The following MCC variants were observed in gnomAD, a reference collection of about 807,000 sequenced individuals.
MCC encodes colorectal mutant cancer protein.
MCC carries 90 observed loss-of-function variants against 116.2 expected under a neutral mutation model. That is an observed-to-expected ratio of 0.77 (90% CI 0.65 to 0.92). The LOEUF is 0.92. Ranked by LOEUF, MCC falls within the 40% of genes least tolerant of loss-of-function variation. The probability of loss-of-function intolerance (pLI) is 0.00; values close to 1 mark genes in which losing one functional copy is unlikely to be tolerated. For synonymous variants in MCC, 578 were observed against 510.5 expected (o/e 1.13, Z -1.78); for missense variants, 1,516 against 1,312.2 (o/e 1.16, Z -2.40).
intron 16 of MCC, chr5:113,044,392 G>A: frequency 1.6e-6 from 1 of 632,252 alleles, no homozygotes; most frequent in Non-Finnish European, 2.0e-6. Context: ...ATTCAAAGCA[G>A]TGACCATGCC....
chr5:113,156,552 T>C (rs1760182639), intron 3 of MCC, among the ~76,000 whole-genome samples: 1 of 152,228 alleles, frequency 6.6e-6, no homozygotes, highest in African/African-American at 2.4e-5. Flanking sequence ...AGCCAATAGC[T>C]GCGTTGCCAG....
intron 2 of MCC, among the ~76,000 whole-genome samples, chr5:113,353,416 T>C (rs1768331371): frequency 6.6e-6 from 1 of 152,192 alleles, no homozygotes; most frequent in Admixed American, 6.5e-5. Flanking sequence ...ATCACTGTCA[T>C]TTTATGTCAT....
chr5:113,073,366 T>A (rs1754179699), intron 11 of MCC, among the ~76,000 whole-genome samples: 1 of 152,234 alleles, frequency 6.6e-6, no homozygotes, highest in Non-Finnish European at 1.5e-5. Flanking sequence ...CTTCCACTCT[T>A]ATCCCATCCT....
intron 3 of MCC, among the ~76,000 whole-genome samples, chr5:113,153,920 C>G (rs368034838): frequency 6.6e-6 from 1 of 152,238 alleles, no homozygotes; most frequent in East Asian, 1.9e-4. Flanking sequence ...AGCTGAGCAC[C>G]AGGGCCAAGG....
intron 3 of MCC, among the ~76,000 whole-genome samples, chr5:113,222,283 T>G (rs1304367734): frequency 1.3e-5 from 2 of 152,230 alleles, no homozygotes; most frequent in Admixed American, 1.3e-4. Flanking sequence ...TGTCATGATG[T>G]ATTATCATTT....
chr5:113,433,979 C>G (rs775591445), intron 1 of MCC: 2 of 1,613,912 alleles, frequency 1.2e-6, no homozygotes, highest in East Asian at 2.2e-5. Context: ...AACTCTCCCC[C>G]TCCTTGTTGA....
intron 3 of MCC, among the ~76,000 whole-genome samples, chr5:113,170,321 T>C (rs556931620): frequency 2.0e-5 from 3 of 152,336 alleles, no homozygotes; most frequent in East Asian, 3.9e-4. Flanking sequence ...TTCTAATCCA[T>C]GGCAGAATCA....
intron 3 of MCC, among the ~76,000 whole-genome samples, chr5:113,190,826 A>C (rs1417664106): frequency 1.3e-5 from 2 of 152,190 alleles, no homozygotes; most frequent in African/African-American, 4.8e-5. Flanking sequence ...GATTGTCTAA[A>C]TCTAAGAGGC....
intron 3 of MCC, among the ~76,000 whole-genome samples, chr5:113,336,422 G>A (rs1204293618): frequency 6.6e-6 from 1 of 151,642 alleles, no homozygotes; most frequent in Non-Finnish European, 1.5e-5. Context: ...GTGTGCAGGA[G>A]ACACACTGCA....
chr5:113,306,898 GA>G (rs910186460), intron 3 of MCC, among the ~76,000 whole-genome samples: 39 of 148,942 alleles, frequency 2.6e-4, no homozygotes, highest in African/African-American at 8.4e-4. Flanking sequence ...ACTTATTATT[GA>G]AAAAAAAAGT....
chr5:113,398,419 A>G (rs961561058), intron 1 of MCC, among the ~76,000 whole-genome samples: 8 of 152,216 alleles, frequency 5.3e-5, no homozygotes, highest in Non-Finnish European at 1.2e-4. Flanking sequence ...TAGCAAAGAC[A>G]TGGAATCAAC....
intron 11 of MCC, among the ~76,000 whole-genome samples, chr5:113,080,641 C>T (rs139559644): frequency 0.021 from 3,223 of 152,048 alleles, 93 homozygotes; most frequent in African/African-American, 0.066. Flanking sequence ...CATCACACAC[C>T]GGGGCCTGTC....
At chr5:113,178,099 G>A (rs1207335565) in intron 3 of MCC, among the ~76,000 whole-genome samples, 1 of 152,198 alleles carries the variant, frequency 6.6e-6, no homozygotes, top group East Asian at 1.9e-4. Flanking sequence ...ACACATGCAG[G>A]AAAGTGGGGT....
At chr5:113,199,470 G>A (rs1273709551) in intron 3 of MCC, among the ~76,000 whole-genome samples, 1 of 152,164 alleles carries the variant, frequency 6.6e-6, no homozygotes, top group Non-Finnish European at 1.5e-5. Context: ...GCTAATCCCT[G>A]AAACTGGACA....
At chr5:113,231,095 CT>C (rs1231953465) in intron 3 of MCC, among the ~76,000 whole-genome samples, 1 of 152,072 alleles carries the variant, frequency 6.6e-6, no homozygotes, top group Admixed American at 6.6e-5. Context: ...GAAACGTTTC[CT>C]AAGGGGGAAA....
At chr5:113,315,811 G>C (rs1201220208) in intron 3 of MCC, among the ~76,000 whole-genome samples, 1 of 151,596 alleles carries the variant, frequency 6.6e-6, no homozygotes, top group African/African-American at 2.4e-5. Context: ...TCAGGAGGTC[G>C]AGGCTGCAGT....
At chr5:113,395,290 TATC>T (rs978780386) in intron 1 of MCC, among the ~76,000 whole-genome samples, 1 of 152,174 alleles carries the variant, frequency 6.6e-6, no homozygotes, top group Non-Finnish European at 1.5e-5. Context: ...AACAAGTTGA[TATC>T]ATTAGGTTTT....
intron 6 of MCC, among the ~76,000 whole-genome samples, chr5:113,118,338 A>C (rs894898025): frequency 6.6e-6 from 1 of 152,074 alleles, no homozygotes; most frequent in African/African-American, 2.4e-5. Context: ...ATGTGTGACG[A>C]GGTTTGATAA....
chr5:113,456,228 A>G (rs1241401340), intron 1 of MCC, among the ~76,000 whole-genome samples: 1 of 152,186 alleles, frequency 6.6e-6, no homozygotes, highest in Non-Finnish European at 1.5e-5. Context: ...TGGCTTAGGA[A>G]TGCCACCTTC....
Sources: gnomAD v4.1 joint callset for allele counts (sites outside exome capture counted in the v4.1 genomes callset) on GRCh38, gnomAD v4.1.1 for gene constraint, MANE v1.5 for transcripts, NCBI Gene and HGNC (gene_info 2026-07-23, HGNC 2026-07-21) for gene names.